Variants in RSF1 observed in about 807,000 individuals in gnomAD.
The protein encoded by RSF1 is remodeling and spacing factor 1.
A neutral mutation model predicts 145.2 loss-of-function variants in RSF1; 13 were observed. The ratio of observed to expected loss-of-function variants is 0.09; its 90% CI spans 0.06 to 0.14. The LOEUF (loss-of-function observed/expected upper bound fraction) is 0.14. Among genes scored for constraint, RSF1 ranks in the 10% least tolerant of loss-of-function variants. The pLI is 1.00. For missense variants in RSF1, 1,517 were observed against 1,718.2 expected, an observed-to-expected ratio of 0.88 and a Z score of 2.07; for synonymous variants, 577 against 592.6, an observed-to-expected ratio of 0.97 and a Z score of 0.38.
chr11:77,669,603 C>T (rs1959465740), intron 15 of RSF1, among the ~76,000 whole-genome samples: 1 of 152,160 alleles, frequency 6.6e-6, no homozygotes, highest in Non-Finnish European at 1.5e-5. Context: ...GTCACACTAG[C>T]CACATTTCAA....
chr11:77,781,627 G>C (rs1397332408), intron 1 of RSF1, among the ~76,000 whole-genome samples: 1 of 152,122 alleles, frequency 6.6e-6, no homozygotes, highest in Non-Finnish European at 1.5e-5. Flanking sequence ...AAACACTTGA[G>C]GTGTCAGTCA....
intron 3 of RSF1, among the ~76,000 whole-genome samples, chr11:77,744,561 T>C (rs974595793): frequency 1.3e-5 from 2 of 152,206 alleles, no homozygotes; most frequent in African/African-American, 4.8e-5. Context: ...TGCCTCAGCT[T>C]CCCAAAGTGC....
intron 1 of RSF1, among the ~76,000 whole-genome samples, chr11:77,782,020 A>T: frequency 6.6e-6 from 1 of 152,232 alleles, no homozygotes; most frequent in East Asian, 1.9e-4. Flanking sequence ...TGATATTAAT[A>T]TAGTAATTCC....
intron 2 of RSF1, among the ~76,000 whole-genome samples, chr11:77,758,933 C>A (rs1331332738): frequency 6.6e-6 from 1 of 152,140 alleles, no homozygotes; most frequent in Non-Finnish European, 1.5e-5. Context: ...CTTTGATGTA[C>A]AAATGTTTTA....
intron 6 of RSF1, among the ~76,000 whole-genome samples, chr11:77,699,254 T>C (rs889417572): frequency 2.6e-5 from 4 of 152,210 alleles, no homozygotes; most frequent in Non-Finnish European, 1.5e-5. Context: ...CAGAACTGCA[T>C]ATAAAAATCC....
At chr11:77,866,602 T>A in the RSF1 span, 1 of 152,162 alleles carries the variant, frequency 6.6e-6, no homozygotes, top group Non-Finnish European at 1.5e-5. Flanking sequence ...CTGTCTCCAG[T>A]CTAATCTCCA....
the RSF1 span, chr11:77,869,039 T>C: frequency 2.9e-6 from 1 of 343,064 alleles, no homozygotes; most frequent in Non-Finnish European, 5.5e-6. Flanking sequence ...TTGTGGGACA[T>C]TCCTTTTTGA....
chr11:77,813,222 A>G (rs897926310), intron 1 of RSF1: 23 of 505,514 alleles, frequency 4.5e-5, no homozygotes, highest in Non-Finnish European at 7.1e-5. Flanking sequence ...CTTAATTCTG[A>G]GCAAAACATG....
chr11:77,736,194 G>C (rs190516238), intron 4 of RSF1, among the ~76,000 whole-genome samples: 1 of 152,158 alleles, frequency 6.6e-6, no homozygotes, highest in African/African-American at 2.4e-5. Context: ...AAAAACAAAC[G>C]TTCTTGCTCC....
chr11:77,727,053 A>C (rs1961072022), intron 4 of RSF1, among the ~76,000 whole-genome samples: 1 of 152,262 alleles, frequency 6.6e-6, no homozygotes, highest in Non-Finnish European at 1.5e-5. Flanking sequence ...ATGTTCATAC[A>C]TATCATATGA....
At chr11:77,793,857 T>C (rs966571721) in intron 1 of RSF1, among the ~76,000 whole-genome samples, 3 of 151,990 alleles carry the variant, frequency 2.0e-5, no homozygotes, top group Non-Finnish European at 4.4e-5. Context: ...GCTCTCCTGA[T>C]AGAACCTCCA....
At chr11:77,866,323 C>A in the RSF1 span, 2 of 152,074 alleles carry the variant, frequency 1.3e-5, no homozygotes, top group Non-Finnish European at 2.9e-5. Flanking sequence ...GACAGAAAGC[C>A]TCTTAAAGTA....
the RSF1 span, among the ~76,000 whole-genome samples, chr11:77,858,905 G>C: frequency 2.0e-5 from 3 of 152,210 alleles, no homozygotes; most frequent in Non-Finnish European, 4.4e-5. Context: ...AAGGAGGTTA[G>C]AGATACAGGG....
intron 5 of RSF1, among the ~76,000 whole-genome samples, chr11:77,724,124 T>C (rs982351157): frequency 3.9e-5 from 6 of 152,028 alleles, no homozygotes; most frequent in African/African-American, 1.2e-4. Flanking sequence ...AAAGAAGATA[T>C]ACAAATGGCC....
chr11:77,714,511 T>C (rs1365644201), intron 5 of RSF1, among the ~76,000 whole-genome samples: 1 of 152,136 alleles, frequency 6.6e-6, no homozygotes, highest in Non-Finnish European at 1.5e-5. Context: ...CTTGCTTCCT[T>C]CCTTCCCTCC....
intron 1 of RSF1, among the ~76,000 whole-genome samples, chr11:77,797,097 T>C (rs1384537306): frequency 6.6e-6 from 1 of 152,218 alleles, no homozygotes. Flanking sequence ...AAGTAATTTA[T>C]AGATTCAATG....
the RSF1 span, among the ~76,000 whole-genome samples, chr11:77,830,987 C>CAAAAAA: frequency 1.5e-4 from 15 of 100,508 alleles, 1 homozygote; most frequent in Non-Finnish European, 2.6e-4. Flanking sequence ...CAAAATATAC[C>CAAAAAA]AAAAAAAAAA....
At chr11:77,779,758 T>C (rs1401737848) in intron 1 of RSF1, among the ~76,000 whole-genome samples, 1 of 152,228 alleles carries the variant, frequency 6.6e-6, no homozygotes, top group African/African-American at 2.4e-5. Context: ...ACAGAAAACC[T>C]TACTAGAGTG....
intron 2 of RSF1, among the ~76,000 whole-genome samples, chr11:77,761,343 T>C (rs751189461): frequency 2.0e-5 from 3 of 152,198 alleles, no homozygotes; most frequent in Admixed American, 6.5e-5. Flanking sequence ...TTTTTTAACA[T>C]TTCTTTGAAA....
Sources: gnomAD v4.1 joint callset for allele counts (sites outside exome capture counted in the v4.1 genomes callset) on GRCh38, gnomAD v4.1.1 for gene constraint, MANE v1.5 for transcripts, NCBI Gene and HGNC (gene_info 2026-07-23, HGNC 2026-07-21) for gene names.